IL7: variants seen among roughly 807,000 people sequenced by gnomAD.
IL7 encodes interleukin 7, also known as interleukin-7.
IL7 carries 3 observed loss-of-function variants against 21.6 expected under a neutral mutation model. The ratio of observed to expected loss-of-function variants is 0.14; its 90% CI spans 0.06 to 0.36. The LOEUF is 0.36. Among genes scored for constraint, IL7 ranks in the 10% least tolerant of loss-of-function variants. The probability of loss-of-function intolerance (pLI) is 1.00; values close to 1 mark genes in which losing one functional copy is unlikely to be tolerated. For missense variants in IL7, 175 were observed against 200.2 expected (o/e 0.87, Z 0.76); for synonymous variants, 62 against 68.1 (o/e 0.91, Z 0.44).
intron 5 of IL7, among the ~76,000 whole-genome samples, chr8:78,720,344 A>G (rs1248401217): frequency 6.6e-6 from 1 of 151,842 alleles, no homozygotes; most frequent in African/African-American, 2.4e-5. Flanking sequence ...GTATTGAGGT[A>G]CGTTGATTTT....
intron 3 of IL7, among the ~76,000 whole-genome samples, chr8:78,710,438 T>C (rs1445031818): frequency 6.6e-6 from 1 of 152,142 alleles, no homozygotes; most frequent in Non-Finnish European, 1.5e-5. Context: ...ATTGGATAAT[T>C]ACCTTTAGGT....
intron 2 of IL7, among the ~76,000 whole-genome samples, chr8:78,794,818 C>T (rs1813801597): frequency 6.6e-6 from 1 of 152,058 alleles, no homozygotes; most frequent in Non-Finnish European, 1.5e-5. Context: ...GCATTATTCA[C>T]CACCAATCTT....
intron 2 of IL7, among the ~76,000 whole-genome samples, chr8:78,770,782 T>C (rs576528710): frequency 6.6e-6 from 1 of 152,198 alleles, no homozygotes; most frequent in Non-Finnish European, 1.5e-5. Flanking sequence ...TTTTGCTTTA[T>C]AGGAGATCTT....
chr8:78,745,083 C>T (rs547577555), intron 2 of IL7, among the ~76,000 whole-genome samples: 24 of 152,342 alleles, frequency 1.6e-4, no homozygotes, highest in Non-Finnish European at 1.9e-4. Context: ...GCCACTCACA[C>T]GAGCTGCTTC....
chr8:78,791,894 T>A (rs1023974515), intron 2 of IL7, among the ~76,000 whole-genome samples: 36 of 152,146 alleles, frequency 2.4e-4, no homozygotes, highest in African/African-American at 8.7e-4. Flanking sequence ...CAGAGAGATT[T>A]AGATTGCATT....
downstream of IL7, chr8:78,717,502 T>TAAA: frequency 9.4e-6 from 12 of 1,279,734 alleles, no homozygotes; most frequent in Admixed American, 3.7e-5. Context: ...GAATAGAATC[T>TAAA]CAAAAAAAAA....
At chr8:78,800,870 A>C (rs976466183) in intron 1 of IL7, among the ~76,000 whole-genome samples, 1 of 152,204 alleles carries the variant, frequency 6.6e-6, no homozygotes, top group Admixed American at 6.5e-5. Context: ...TACTTTTACC[A>C]TTATCATAAA....
intron 3 of IL7, among the ~76,000 whole-genome samples, chr8:78,687,456 A>G (rs1334831330): frequency 2.1e-5 from 3 of 146,280 alleles, no homozygotes; most frequent in African/African-American, 7.4e-5. Context: ...GACTATATAT[A>G]CATAATTATA....
chr8:78,754,311 T>G (rs563115978), intron 2 of IL7, among the ~76,000 whole-genome samples: 1 of 151,762 alleles, frequency 6.6e-6, no homozygotes, highest in African/African-American at 2.4e-5. Flanking sequence ...GAGAATAAAA[T>G]AACTAGGAAT....
At chr8:78,796,357 T>C (rs562554703) in intron 2 of IL7, among the ~76,000 whole-genome samples, 8 of 152,128 alleles carry the variant, frequency 5.3e-5, no homozygotes, top group African/African-American at 1.9e-4. Context: ...ATAAGTCTAA[T>C]AAAATATTTA....
At chr8:78,742,386 A>G (rs1811817590) in intron 2 of IL7, among the ~76,000 whole-genome samples, 1 of 152,166 alleles carries the variant, frequency 6.6e-6, no homozygotes, top group African/African-American at 2.4e-5. Context: ...TGTACATAAG[A>G]AACAAATTTC....
intron 3 of IL7, among the ~76,000 whole-genome samples, chr8:78,698,914 T>A (rs1210245269): frequency 6.6e-6 from 1 of 152,144 alleles, no homozygotes; most frequent in African/African-American, 2.4e-5. Flanking sequence ...AGAAGCTCAG[T>A]TTGCTCAAAG....
downstream of IL7, among the ~76,000 whole-genome samples, chr8:78,728,000 C>T (rs568091936): frequency 6.6e-5 from 10 of 152,032 alleles, no homozygotes; most frequent in African/African-American, 2.4e-4. Context: ...TTGAATATTA[C>T]AATACCATTT....
At chr8:78,676,861 TTAA>T (rs1210954896) in intron 4 of IL7, among the ~76,000 whole-genome samples, 1 of 152,062 alleles carries the variant, frequency 6.6e-6, no homozygotes, top group Non-Finnish European at 1.5e-5. Flanking sequence ...GGTATTTAAC[TTAA>T]TGATGTTATT....
chr8:78,801,311 C>T (rs1433542056), intron 1 of IL7, among the ~76,000 whole-genome samples: 1 of 152,194 alleles, frequency 6.6e-6, no homozygotes, highest in Non-Finnish European at 1.5e-5. Flanking sequence ...ACTCTTTACC[C>T]TTTGTCTATG....
At chr8:78,772,416 A>G (rs1812987481) in intron 2 of IL7, among the ~76,000 whole-genome samples, 1 of 152,166 alleles carries the variant, frequency 6.6e-6, no homozygotes, top group African/African-American at 2.4e-5. Flanking sequence ...GTATATGCAT[A>G]TTCAGATTTT....
intron 3 of IL7, among the ~76,000 whole-genome samples, chr8:78,687,508 ATATATATTTATATAATAAAT>A (rs1363076144): frequency 1.5e-4 from 22 of 142,362 alleles, no homozygotes; most frequent in Middle Eastern, 4.1e-3. Context: ...ATAATAAATT[ATATATATTTATATAATAAAT>A]TATATATTTA....
At chr8:78,786,050 G>A (rs975722547) in intron 2 of IL7, among the ~76,000 whole-genome samples, 1 of 152,172 alleles carries the variant, frequency 6.6e-6, no homozygotes, top group Non-Finnish European at 1.5e-5. Context: ...TGAGAAGAAG[G>A]TATAGAGATT....
At chr8:78,803,995 G>A (rs1814193106) in intron 1 of IL7, among the ~76,000 whole-genome samples, 1 of 152,066 alleles carries the variant, frequency 6.6e-6, no homozygotes, top group South Asian at 2.1e-4. Flanking sequence ...CTTCTTGCTT[G>A]AGGAAGTACT....
Sources: allele counts gnomAD v4.1 joint callset (sites outside exome capture counted in the v4.1 genomes callset), GRCh38; gene constraint gnomAD v4.1.1; transcripts MANE v1.5; gene names NCBI Gene and HGNC (gene_info 2026-07-23, HGNC 2026-07-21).